Variants in LIMA1 observed in about 807,000 individuals in gnomAD.
LIMA1 encodes the protein LIM domain and actin-binding protein 1.
A neutral mutation model predicts 62.6 loss-of-function variants in LIMA1; 52 were observed. The observed-to-expected ratio is 0.83, with a 90% CI of 0.67 to 1.05. The LOEUF (loss-of-function observed/expected upper bound fraction) is 1.05, where lower values mean the gene tolerates loss of function less well. Ranked by LOEUF, LIMA1 falls within the 50% of genes least tolerant of loss-of-function variation. The probability of loss-of-function intolerance (pLI) is 0.00; values close to 1 mark genes in which losing one functional copy is unlikely to be tolerated. For missense variants in LIMA1, 780 were observed against 902.2 expected (o/e 0.86, Z 1.74); for synonymous variants, 302 against 317.8 (o/e 0.95, Z 0.53).
At chr12:50,246,735 G>A (rs1423868954) in intron 2 of LIMA1, among the ~76,000 whole-genome samples, 6 of 152,086 alleles carry the variant, frequency 3.9e-5, no homozygotes, top group African/African-American at 1.4e-4. Context: ...TTCCATGGCA[G>A]ACTGCTTGCT....
intron 8 of LIMA1, among the ~76,000 whole-genome samples, chr12:50,193,405 A>T (rs1940823544): frequency 6.7e-6 from 1 of 149,928 alleles, no homozygotes; most frequent in African/African-American, 2.4e-5. Context: ...CCAGTAAACT[A>T]GCCTGGGGAG....
chr12:50,252,366 G>A (rs1007210118), intron 1 of LIMA1, among the ~76,000 whole-genome samples: 8 of 152,056 alleles, frequency 5.3e-5, no homozygotes, highest in Non-Finnish European at 1.0e-4. Flanking sequence ...GATCACCTGA[G>A]GTCAGGAGTT....
intron 10 of LIMA1, among the ~76,000 whole-genome samples, chr12:50,180,325 A>G (rs548799697): frequency 6.6e-6 from 1 of 150,766 alleles, no homozygotes; most frequent in South Asian, 2.1e-4. Flanking sequence ...AAAGAAAGAA[A>G]TTAGCTGGGC....
intron 2 of LIMA1, among the ~76,000 whole-genome samples, chr12:50,247,299 C>T (rs1023933831): frequency 6.6e-6 from 1 of 152,008 alleles, no homozygotes; most frequent in African/African-American, 2.4e-5. Flanking sequence ...GTATGACTTC[C>T]GAGGCTAGGT....
intron 9 of LIMA1, chr12:50,185,664 C>A (rs962877912): frequency 2.0e-5 from 7 of 358,652 alleles, no homozygotes; most frequent in African/African-American, 1.1e-4. Flanking sequence ...GGAGAGCGAG[C>A]TTTTATGAGC....
chr12:50,228,557 G>A lies in LIMA1; in HGVS notation c.165+3108C>T, dbSNP rs572176727. ...CCTTTAAACACCAAGGTGCCCCTGA[G>A]CTAAGTCATGAGACCACTTCTCTGT... On this transcript the variant is annotated intron_variant, in intron 3 of 10. Transcript: ENST00000341247. 7.9e-4 allele frequency among the ~76,000 whole-genome samples: 121 copies of A among 152,240 alleles called. 1 individual carries two copies. The highest frequency in any genetic ancestry group is 2.8e-3 in the African/African-American group (117 of 41,526).
rs1158874980 is a variant in LIMA1, at chr12:50,177,326, T to C, written c.2018A>G (p.Glu673Gly). The change falls in exon 11 of 11, where the codon GAG becomes GGG. Residue 673 changes from glutamate (E) to glycine (G), a missense_variant. Transcript: ENST00000341247. ...TTCTACAAGATTCTCATTCTCCATC[T>C]CCAAACTATGACCTTCCTTACTTCT... Reference protein sequence around the residue: ...GKRSKEGHSLEMENENLVENG... With the variant: ...GKRSKEGHSLGMENENLVENG... The C allele has an allele frequency of 1.2e-6, 2 of 1,614,116 alleles. No homozygotes were observed. The highest frequency in any genetic ancestry group is 1.7e-6 in the Non-Finnish European group (2 of 1,180,052).
chr12:50,250,894 A>T (rs1238099474), intron 1 of LIMA1, among the ~76,000 whole-genome samples: 1 of 152,242 alleles, frequency 6.6e-6, no homozygotes, highest in African/African-American at 2.4e-5. Flanking sequence ...AATAAATAAG[A>T]TAAAGAAGAA....
chr12:50,257,806 GTAACCTTGGCAGT>G (rs1747588884), intron 1 of LIMA1, among the ~76,000 whole-genome samples: 1 of 152,200 alleles, frequency 6.6e-6, no homozygotes, highest in Non-Finnish European at 1.5e-5. Context: ...GTCTCAAGTA[GTAACCTTGGCAGT>G]ATGCCACAAG....
At chr12:50,259,039 T>A (rs569797824) in intron 1 of LIMA1, among the ~76,000 whole-genome samples, 1 of 152,216 alleles carries the variant, frequency 6.6e-6, no homozygotes, top group Non-Finnish European at 1.5e-5. Flanking sequence ...CTTGGCTTAT[T>A]TATAACTTCT....
At chr12:50,190,059 A>C (rs1940720290) in intron 9 of LIMA1, 3 of 104,396 alleles carry the variant, frequency 2.9e-5, no homozygotes, top group South Asian at 3.0e-4. Context: ...ACTCTGTCAC[A>C]CAGGCTGGAG....
At chr12:50,224,360 G>A (rs1941495338) in intron 3 of LIMA1, 1 of 152,178 alleles carries the variant, frequency 6.6e-6, no homozygotes, top group Admixed American at 6.5e-5. Context: ...TTAAATTTTA[G>A]CTTACAAAAT....
intron 1 of LIMA1, among the ~76,000 whole-genome samples, chr12:50,256,530 G>A (rs115117489): frequency 0.011 from 1,618 of 152,190 alleles, 26 homozygotes; most frequent in African/African-American, 0.035. Flanking sequence ...TTTAATTAAC[G>A]TCTTATTTCT....
At chr12:50,271,430 G>A (rs894072951) in intron 1 of LIMA1, among the ~76,000 whole-genome samples, 10 of 151,508 alleles carry the variant, frequency 6.6e-5, no homozygotes, top group Non-Finnish European at 1.2e-4. Flanking sequence ...TTTGTTATTT[G>A]CTCATTTGGT....
At chr12:50,259,921 C>T (rs886622907) in intron 1 of LIMA1, among the ~76,000 whole-genome samples, 6 of 152,086 alleles carry the variant, frequency 3.9e-5, no homozygotes, top group Admixed American at 6.6e-5. Context: ...GCAAAAGCAA[C>T]AAAAATGAGG....
intron 8 of LIMA1, among the ~76,000 whole-genome samples, chr12:50,193,508 T>C (rs1369431313): frequency 7.1e-6 from 1 of 140,782 alleles, no homozygotes; most frequent in African/African-American, 2.6e-5. Flanking sequence ...CATATATGTG[T>C]ATATATGATA....
chr12:50,266,549 G>A (rs1199641873), intron 1 of LIMA1, among the ~76,000 whole-genome samples: 1 of 152,158 alleles, frequency 6.6e-6, no homozygotes, highest in East Asian at 1.9e-4. Context: ...CATGTAGGTT[G>A]CTTTTGCTTC....
chr12:50,231,580 C>A (rs1048834310), intron 3 of LIMA1, 85 bp downstream of exon 3: 42 of 1,238,250 alleles, frequency 3.4e-5, no homozygotes, highest in Non-Finnish European at 4.7e-5. Context: ...GACATAGAAC[C>A]CAAGCCCCAC....
intron 7 of LIMA1, among the ~76,000 whole-genome samples, chr12:50,197,189 G>A (rs1309426145): frequency 6.6e-6 from 1 of 150,676 alleles, no homozygotes. Flanking sequence ...TCCTGCCTCA[G>A]CCTCCCGAGT....
Sources: gnomAD v4.1 joint callset for allele counts (sites outside exome capture counted in the v4.1 genomes callset) on GRCh38, gnomAD v4.1.1 for gene constraint, MANE v1.5 for transcripts, NCBI Gene and HGNC (gene_info 2026-07-23, HGNC 2026-07-21) for gene names.